SYN3: variants seen among roughly 807,000 people sequenced by gnomAD.
SYN3 encodes synapsin III, also known as synapsin-3.
A neutral mutation model predicts 65.8 loss-of-function variants in SYN3; 35 were observed. That is an observed-to-expected ratio of 0.53 (90% CI 0.41 to 0.70). The LOEUF is 0.70. Ranked by LOEUF, SYN3 falls within the 30% of genes least tolerant of loss-of-function variation. The pLI, the probability that SYN3 is intolerant of heterozygous loss-of-function variation, is 0.00. For missense variants in SYN3, 680 were observed against 749.0 expected (o/e 0.91, Z 1.08); for synonymous variants, 270 against 292.9 (o/e 0.92, Z 0.80).
At position 32,608,154 on chromosome 22, in the gene SYN3, G is replaced by A. The variant is rs5998556; in HGVS notation, c.712-11418C>T. Among the ~76,000 whole-genome samples, 466 of 151,408 alleles carry A rather than the reference G, an allele frequency of 3.1e-3. 6 individuals carry two copies. Among genetic ancestry groups the A allele is most frequent in the African/African-American group, 0.011 (448 of 41,246 alleles). On this transcript the variant is annotated intron_variant, in intron 6 of 13. Coordinates refer to ENST00000358763, the MANE Select transcript of SYN3 (RefSeq NM_003490.4). ...GTGATCTCGGCTCACTGCAACCTCC[G>A]CCTCCTGGGTTCAAGCGATTCCCCC...
At chr22:32,935,003 C>A (rs2050731893) in intron 3 of SYN3, among the ~76,000 whole-genome samples, 1 of 152,164 alleles carries the variant, frequency 6.6e-6, no homozygotes, top group African/African-American at 2.4e-5. Flanking sequence ...TCCCCTGGAG[C>A]CTTCAGAGGG....
intron 6 of SYN3, chr22:32,849,651 C>T (rs1259761074): frequency 4.6e-6 from 4 of 878,376 alleles, no homozygotes; most frequent in Non-Finnish European, 7.5e-6. Flanking sequence ...ACCAGCCAGA[C>T]CCAGCCCTTC....
At chr22:32,938,799 G>A (rs996601651) in intron 3 of SYN3, among the ~76,000 whole-genome samples, 7 of 151,892 alleles carry the variant, frequency 4.6e-5, no homozygotes, top group African/African-American at 7.2e-5. Context: ...GTGGTGGCAC[G>A]CACCTGTAAT....
At chr22:32,790,406 C>CTTTATTTA (rs130557) in intron 6 of SYN3, among the ~76,000 whole-genome samples, 64,641 of 145,552 alleles carry the variant, frequency 0.44, 14,730 homozygotes, top group East Asian at 0.55. Context: ...TTAAATTAAA[C>CTTTATTTA]TTTATTTATT....
chr22:32,737,885 GC>G (rs1301785956), intron 6 of SYN3, among the ~76,000 whole-genome samples: 1 of 152,136 alleles, frequency 6.6e-6, no homozygotes, highest in African/African-American at 2.4e-5. Context: ...ACATTGCTCT[GC>G]TTTTCTGCCA....
At chr22:32,646,977 C>G (rs560253515) in intron 6 of SYN3, among the ~76,000 whole-genome samples, 1 of 152,146 alleles carries the variant, frequency 6.6e-6, no homozygotes, top group African/African-American at 2.4e-5. Context: ...CCTGAAGCCC[C>G]CTGCCTTCGC....
chr22:32,963,568 T>C (rs138464338), intron 3 of SYN3, among the ~76,000 whole-genome samples: 123 of 152,242 alleles, frequency 8.1e-4, no homozygotes, highest in Middle Eastern at 3.4e-3. Flanking sequence ...ATTCATTATA[T>C]AGAAATAACA....
chr22:32,606,162 G>T (rs781406696), intron 6 of SYN3, among the ~76,000 whole-genome samples: 2 of 152,148 alleles, frequency 1.3e-5, no homozygotes, highest in East Asian at 3.9e-4. Context: ...GCAAGTGGGG[G>T]CCATGGGATG....
intron 6 of SYN3, among the ~76,000 whole-genome samples, chr22:32,765,386 C>G (rs2045596219): frequency 6.6e-6 from 1 of 152,132 alleles, no homozygotes; most frequent in South Asian, 2.1e-4. Context: ...TATCTCTGGC[C>G]AAGTCCTTGA....
At chr22:32,888,267 T>C (rs2049349557) in intron 4 of SYN3, among the ~76,000 whole-genome samples, 1 of 152,172 alleles carries the variant, frequency 6.6e-6, no homozygotes, top group Admixed American at 6.5e-5. Flanking sequence ...ATTTTTAAGG[T>C]CACTTAGAGA....
rs368850654 is a variant in SYN3, at chr22:32,518,234, G to A, written c.1419C>T (p.Ser473=). Residue 473 remains serine (S), a synonymous_variant, in exon 13 of 14, where the codon TCC becomes TCT. Coordinates refer to ENST00000358763, the MANE Select transcript of SYN3 (RefSeq NM_003490.4). The part of the protein sequence containing the change: ...PQGQQPLSPQ[S]GSPQQQRSPG... ...GTGACCTTTGCTGCTGTGGAGATCCGGACTGGGGGCTCAGGGGCTGCTGGC... is the reference window on the plus strand; with the variant it reads ...GTGACCTTTGCTGCTGTGGAGATCCAGACTGGGGGCTCAGGGGCTGCTGGC... The A allele has an allele frequency of 4.0e-5, 64 of 1,613,544 alleles. No individual in the cohort carries two copies. The highest frequency in any genetic ancestry group is 3.5e-4 in the Admixed American group (21 of 59,976).
chr22:32,584,607 C>A (rs187093988), intron 7 of SYN3, among the ~76,000 whole-genome samples: 1 of 152,130 alleles, frequency 6.6e-6, no homozygotes, highest in East Asian at 1.9e-4. Flanking sequence ...TGGAGGGGTC[C>A]TCTGCATCAG....
At chr22:32,788,109 C>A (rs1207415281) in intron 6 of SYN3, among the ~76,000 whole-genome samples, 1 of 152,078 alleles carries the variant, frequency 6.6e-6, no homozygotes, top group African/African-American at 2.4e-5. Flanking sequence ...AATATGATCT[C>A]GTTTTTTTTC....
At chr22:32,792,822 C>T (rs1279820908) in intron 6 of SYN3, among the ~76,000 whole-genome samples, 1 of 152,158 alleles carries the variant, frequency 6.6e-6, no homozygotes, top group East Asian at 1.9e-4. Flanking sequence ...GAGAAAATCA[C>T]CAGTGCTGCA....
intron 6 of SYN3, among the ~76,000 whole-genome samples, chr22:32,697,287 A>C (rs1203688134): frequency 6.6e-6 from 1 of 152,230 alleles, no homozygotes; most frequent in Non-Finnish European, 1.5e-5. Context: ...TCAGAGCATG[A>C]TCACTGGAAT....
intron 4 of SYN3, among the ~76,000 whole-genome samples, chr22:32,930,517 T>C (rs950500274): frequency 3.3e-5 from 5 of 152,164 alleles, no homozygotes; most frequent in African/African-American, 9.7e-5. Context: ...TGCACCTTTT[T>C]TTTTGGATCT....
At chr22:32,856,433 C>T (rs1033314117) in intron 6 of SYN3, among the ~76,000 whole-genome samples, 4 of 152,030 alleles carry the variant, frequency 2.6e-5, no homozygotes, top group African/African-American at 7.2e-5. Flanking sequence ...GATCAGTGAC[C>T]GGCCACTGGA....
intron 6 of SYN3, among the ~76,000 whole-genome samples, chr22:32,809,716 C>T (rs575644235): frequency 1.2e-4 from 19 of 152,286 alleles, no homozygotes; most frequent in African/African-American, 2.9e-4. Flanking sequence ...TAATTATAGC[C>T]GAAAGCAAGG....
intron 1 of SYN3, among the ~76,000 whole-genome samples, chr22:33,037,461 C>G (rs180869054): frequency 7.2e-5 from 11 of 152,346 alleles, no homozygotes; most frequent in Admixed American, 7.2e-4. Context: ...TATTTTATTT[C>G]TCTGCTTTCC....
Sources: allele counts gnomAD v4.1 joint callset (sites outside exome capture counted in the v4.1 genomes callset), GRCh38; gene constraint gnomAD v4.1.1; transcripts MANE v1.5; gene names NCBI Gene and HGNC (gene_info 2026-07-23, HGNC 2026-07-21).